MEX3D: variants seen among roughly 807,000 people sequenced by gnomAD.
The protein encoded by MEX3D is RNA-binding protein MEX3D.
A neutral mutation model predicts 6.3 loss-of-function variants in MEX3D; 4 were observed. The ratio of observed to expected loss-of-function variants is 0.64; its 90% CI spans 0.31 to 1.46. MEX3D has a LOEUF of 1.46. Ranked by LOEUF, MEX3D falls within the 40% of genes most tolerant of loss-of-function variation. The pLI is 0.07. For synonymous variants in MEX3D, 626 were observed against 494.1 expected, an observed-to-expected ratio of 1.27 and a Z score of -3.54; for missense variants, 1,038 against 994.4, an observed-to-expected ratio of 1.04 and a Z score of -0.59.
In MEX3D at chr19:1,555,730, CCAG is replaced by C. The variant is rs1445049077; in HGVS notation, c.1786_1788del (p.Leu596del). On this transcript the variant is annotated inframe_deletion, in exon 2 of 2. Coordinates refer to ENST00000402693, the MANE Select transcript of MEX3D (RefSeq NM_203304.4). ...TCGGCGCACACCACGCACTCTCGCG[CCAG>C]GGCCGGGGCCGAGGACGCCGAAGGG... 6.9e-5 allele frequency: 105 copies of C among 1,528,856 alleles called. No homozygotes were observed. The highest frequency in any genetic ancestry group is 8.4e-5 in the Non-Finnish European group (96 of 1,144,576). The allele number at this position is 1,528,856 out of a possible 1,614,324, so 94.7% of individuals were successfully genotyped here. A position where few individuals can be genotyped will look rare whatever the true frequency, so the allele number is the denominator to read the frequency against.
At chr19:1,559,580 G>GAGCCACTGCTCAC (rs1914667455) in intron 1 of MEX3D, among the ~76,000 whole-genome samples, 1 of 152,208 alleles carries the variant, frequency 6.6e-6, no homozygotes, top group African/African-American at 2.4e-5. Context: ...AAGGAGTTTT[G>GAGCCACTGCTCAC]AGCCACTGCT....
At position 1,567,610 on chromosome 19, in the gene MEX3D, A is replaced by T; in HGVS notation, c.449T>A (p.Phe150Tyr). ...CCCCAGGGCCGCGGGGTGGGGCGCG[A>T]AGCCCGCGAACACGTCGGGGGGCGA... ...RPSPPDVFAG[F>Y]APHPAALGPP... Residue 150 changes from phenylalanine to tyrosine, a missense_variant, in exon 1 of 2, where the codon TTC becomes TAC. By Grantham distance (22) the Phe-to-Tyr change is conservative (BLOSUM62 3). Transcript: ENST00000402693. This position sits in a 1 kb window ranked among gnomAD's most constrained non-coding sequence, Gnocchi z 6.5. 7.1e-7 allele frequency: 1 copy of T among 1,412,668 alleles called. No individual in the cohort carries two copies. The highest frequency in any genetic ancestry group is 9.3e-7 in the Non-Finnish European group (1 of 1,078,188). 87.5% of individuals were successfully genotyped at this position (1,412,668 alleles called of 1,614,324 possible).
intron 1 of MEX3D, among the ~76,000 whole-genome samples, chr19:1,558,495 C>A (rs568069676): frequency 6.6e-6 from 1 of 151,832 alleles, no homozygotes; most frequent in Non-Finnish European, 1.5e-5. Context: ...ACTGAAGGCG[C>A]CCCCCGCCCT....
Position 1,556,385 on chromosome 19 carries a change from G to C in MEX3D, c.1134C>G (p.Asn378Lys). The C allele has an allele frequency of 6.5e-7, 1 of 1,544,666 alleles. No homozygotes were observed. The highest frequency in any genetic ancestry group is 8.7e-7 in the Non-Finnish European group (1 of 1,153,616). ...AAASLWAKTP[N>K]QGRRPPTATA... The stretch of plus-strand genomic sequence containing the variant: ...TGGCCGTGGGGGGCCGTCGTCCCTG[G>C]TTGGGGGTCTTGGCCCAGAGGCTGG... The change falls in exon 2 of 2, where the codon AAC becomes AAG. Residue 378 changes from asparagine (N) to lysine (K), a missense_variant. Physicochemically the swap from Asn to Lys is moderately conservative, Grantham distance 94 (BLOSUM62 0). Coordinates refer to ENST00000402693, the MANE Select transcript of MEX3D (RefSeq NM_203304.4). This position sits in a 1 kb window ranked among gnomAD's most constrained non-coding sequence, Gnocchi z 7.5.
rs761977778 is a variant in MEX3D at position 1,554,704 on chromosome 19, C to G, written c.*859G>C. 2 of 152,368 alleles carry G rather than the reference C, an allele frequency of 1.3e-5. No homozygotes were observed. The highest frequency in any genetic ancestry group is 1.3e-4 in the Admixed American group (2 of 15,274). 9.4% of individuals were successfully genotyped at this position (152,368 alleles called of 1,614,324 possible). A position where few individuals can be genotyped will look rare whatever the true frequency, so the allele number is the denominator to read the frequency against. ...TAGAAAAGAGGCTTTATTAAGAAGG[C>G]TTTGAAGTCAAAAAATAAAACTCTT... On this transcript the variant is annotated 3_prime_UTR_variant, in exon 2 of 2. Transcript: ENST00000402693.
chr19:1,567,743 C>A lies in MEX3D; in HGVS notation c.316G>T (p.Gly106Ter). The change falls in exon 1 of 2, where the codon GGA becomes TGA. Residue 106 changes from glycine to a stop codon, truncating the protein, a stop_gained. Coordinates refer to ENST00000402693, the MANE Select transcript of MEX3D (RefSeq NM_203304.4). LOFTEE classifies it high-confidence loss of function. The surrounding 1 kb of genome is among the most constrained non-coding windows in gnomAD (Gnocchi z 6.5). ...GAAPEPVPPD[G>*]PEAGAPPTLA... ...GTCGGGGGCGCGCCGGCCTCAGGTC[C>A]GTCGGGGGGCACAGGCTCCGGAGCC... 2.1e-6 allele frequency: 2 copies of A among 964,918 alleles called. No individual in the cohort carries two copies. Among genetic ancestry groups the A allele is most frequent in the Non-Finnish European group, 1.2e-6 (1 of 809,584 alleles). The allele number at this position is 964,918 out of a possible 1,614,324, so 59.8% of individuals were successfully genotyped here.
chr19:1,555,381 T>TCTCCACGCCTGAGG lies in MEX3D; in HGVS notation c.*168_*181dup, dbSNP rs746534135. The TCTCCACGCCTGAGG allele has an allele frequency of 5.0e-6, 8 of 1,598,436 alleles. No homozygotes were observed. In the African/African-American group the frequency reaches 8.1e-5, roughly 16 times the overall value. ...GCGCCGCCGGGCTGCGGGGTCTCCG[T>TCTCCACGCCTGAGG]CTCCACGCCTGAGGCGGCAGTTAAA... is the stretch of plus-strand genomic sequence containing the variant. On this transcript the variant is annotated 3_prime_UTR_variant, in exon 2 of 2. Transcript: ENST00000402693.
At chr19:1,561,768 C>G (rs934798621) in intron 1 of MEX3D, among the ~76,000 whole-genome samples, 3 of 152,048 alleles carry the variant, frequency 2.0e-5, no homozygotes, top group Non-Finnish European at 4.4e-5. Flanking sequence ...CTCAGCCTCC[C>G]GAGTAGCTGG....
At chr19:1,566,692 C>T (rs1347036640) in intron 1 of MEX3D, among the ~76,000 whole-genome samples, 3 of 152,046 alleles carry the variant, frequency 2.0e-5, no homozygotes, top group Admixed American at 2.0e-4. Context: ...CCGCCCGCCC[C>T]GCAGCTCGGG....
chr19:1,554,695 T>A lies in MEX3D; in HGVS notation c.*868A>T, dbSNP rs1438935260. Reference sequence around the variant, plus strand: ...GCTCACATGTAGAAAAGAGGCTTTATTAAGAAGGCTTTGAAGTCAAAAAAT... The same window carrying A: ...GCTCACATGTAGAAAAGAGGCTTTAATAAGAAGGCTTTGAAGTCAAAAAAT... On this transcript the variant is annotated 3_prime_UTR_variant, in exon 2 of 2. Transcript: ENST00000402693. 6.6e-6 allele frequency: 1 copy of A among 152,454 alleles called. No homozygotes were observed. Among genetic ancestry groups the A allele is most frequent in the Non-Finnish European group, 1.5e-5 (1 of 68,032 alleles). 9.4% of individuals were successfully genotyped at this position (152,454 alleles called of 1,614,324 possible). A position where few individuals can be genotyped will look rare whatever the true frequency, so the allele number is the denominator to read the frequency against.
Position 1,555,793 on chromosome 19 carries a change from G to C in MEX3D, c.1726C>G (p.Leu576Val), listed in dbSNP as rs1190497677. The change falls in exon 2 of 2, where the codon CTG becomes GTG. Residue 576 changes from leucine (L) to valine (V), a missense_variant. Around this residue, in one of 5 missense-constraint regions of MEX3D, gnomAD observed 581 missense variants for 516.2 expected, o/e 1.13. Coordinates refer to ENST00000402693, the MANE Select transcript of MEX3D (RefSeq NM_203304.4). ...CTGTTCTCGGAGGCGCCGGAGTCCA[G>C]GGGGGCGCAGGCGGCGGCCGCGGGG... ...SSPAAAACAP[L>V]DSGASENSRK... 2.1e-6 allele frequency: 3 copies of C among 1,405,326 alleles called. No individual in the cohort carries two copies. Among genetic ancestry groups the C allele is most frequent in the Admixed American group, 6.7e-5 (2 of 29,756 alleles). 87.1% of individuals were successfully genotyped at this position (1,405,326 alleles called of 1,614,324 possible).
In MEX3D at chr19:1,567,242, G is replaced by A. The variant is rs1422235902; in HGVS notation, c.595+222C>T. On this transcript the variant is annotated intron_variant, in intron 1 of 1. Coordinates refer to ENST00000402693, the MANE Select transcript of MEX3D (RefSeq NM_203304.4). The surrounding 1 kb of genome is among the most constrained non-coding windows in gnomAD (Gnocchi z 6.5). Reference sequence around the variant, plus strand: ...AGGCGGCCCAGACAAAGGCGGCGGCGGGGCCGGAGCGCGCAGGGGAGGAGC... The same window carrying A: ...AGGCGGCCCAGACAAAGGCGGCGGCAGGGCCGGAGCGCGCAGGGGAGGAGC... Among the ~76,000 whole-genome samples the A allele has an allele frequency of 6.6e-6, 1 of 151,910 alleles. No individual in the cohort carries two copies. Among genetic ancestry groups the A allele is most frequent in the East Asian group, 1.9e-4 (1 of 5,182 alleles).
rs1488879550 is a variant in MEX3D, at chr19:1,567,383, G to T, written c.595+81C>A. ...GTGCGGGGCGTCCGGCGCGGGCTGG[G>T]CTGGGCTCGGGCGACCCCCTTCCCC... On this transcript the variant is annotated intron_variant, in intron 1 of 1. Coordinates refer to ENST00000402693, the MANE Select transcript of MEX3D (RefSeq NM_203304.4). The surrounding 1 kb of genome is among the most constrained non-coding windows in gnomAD (Gnocchi z 6.5). 9 of 1,410,614 alleles carry T rather than the reference G, an allele frequency of 6.4e-6. No homozygotes were observed. The highest frequency in any genetic ancestry group is 9.3e-7 in the Non-Finnish European group (1 of 1,081,066). The allele number at this position is 1,410,614 out of a possible 1,614,324, so 87.4% of individuals were successfully genotyped here.
rs1299584162 is a variant in MEX3D at position 1,568,014 on chromosome 19, G to T, written c.45C>A (p.Gly15=). Residue 15 remains glycine, a synonymous_variant, in exon 1 of 2, where the codon GGC becomes GGA. Transcript: ENST00000402693. The part of the protein sequence containing the change: ...LGQPDGGGGG[G]GGGGGVGAAG... ...CCGCCCCCACGCCGCCGCCGCCGCCGCCCCCGCCCCCGCCGCCGTCGGGCT... is the reference window on the plus strand; with the variant it reads ...CCGCCCCCACGCCGCCGCCGCCGCCTCCCCCGCCCCCGCCGCCGTCGGGCT... The T allele has an allele frequency of 1.0e-6, 1 of 975,286 alleles. No homozygotes were observed. Among genetic ancestry groups the T allele is most frequent in the Non-Finnish European group, 1.2e-6 (1 of 825,732 alleles). The allele number at this position is 975,286 out of a possible 1,614,324, so 60.4% of individuals were successfully genotyped here.
In MEX3D at chr19:1,555,234, T is replaced by A. The variant is rs1051733247; in HGVS notation, c.*329A>T. 14 of 1,270,202 alleles carry A rather than the reference T, an allele frequency of 1.1e-5. No homozygotes were observed. The highest frequency in any genetic ancestry group is 1.5e-5 in the Non-Finnish European group (14 of 951,856). The allele number at this position is 1,270,202 out of a possible 1,614,324, so 78.7% of individuals were successfully genotyped here. ...AAGTCGTGTTTTTTGTTTTGCTTTTTTAAAGATCACCCTGGAGGGGAGGGG... is the reference window on the plus strand; with the variant it reads ...AAGTCGTGTTTTTTGTTTTGCTTTTATAAAGATCACCCTGGAGGGGAGGGG... On this transcript the variant is annotated 3_prime_UTR_variant, in exon 2 of 2. Coordinates refer to ENST00000402693, the MANE Select transcript of MEX3D (RefSeq NM_203304.4).
At chr19:1,563,622 G>C (rs1204964876) in intron 1 of MEX3D, among the ~76,000 whole-genome samples, 1 of 152,182 alleles carries the variant, frequency 6.6e-6, no homozygotes, top group Non-Finnish European at 1.5e-5. Context: ...CTCAGCAGGA[G>C]CAGGGCCGGA....
In MEX3D at chr19:1,556,033, C is replaced by G; in HGVS notation, c.1486G>C (p.Gly496Arg). The change falls in exon 2 of 2, where the codon GGA (glycine) becomes CGA (arginine). Residue 496 changes from glycine (G) to arginine (R), a missense_variant. Coordinates refer to ENST00000402693, the MANE Select transcript of MEX3D (RefSeq NM_203304.4). This position sits in a 1 kb window ranked among gnomAD's most constrained non-coding sequence, Gnocchi z 7.5. Reference sequence around the variant, plus strand: ...CGCCGGGCGCCGGCGGCGGGAGGTCCCGGGGCTCCGTTGACCGTGGAGCAG... The same window carrying G: ...CGCCGGGCGCCGGCGGCGGGAGGTCGCGGGGCTCCGTTGACCGTGGAGCAG... ...SGCSTVNGAP[G>R]PPAAGARRSS... is the part of the protein sequence containing the mutation. 7.7e-7 allele frequency: 1 copy of G among 1,300,292 alleles called. No homozygotes were observed. The highest frequency in any genetic ancestry group is 3.7e-5 in the East Asian group (1 of 26,856). 80.5% of individuals were successfully genotyped at this position (1,300,292 alleles called of 1,614,324 possible).
At position 1,568,155 on chromosome 19, in the gene MEX3D, T is replaced by G. The variant is rs1484045002; in HGVS notation, c.-97A>C. 1.0e-6 allele frequency: 1 copy of G among 958,216 alleles called. No homozygotes were observed. The highest frequency in any genetic ancestry group is 6.7e-5 in the Admixed American group (1 of 14,816). The allele number at this position is 958,216 out of a possible 1,614,324, so 59.4% of individuals were successfully genotyped here. On this transcript the variant is annotated 5_prime_UTR_variant, in exon 1 of 2. Transcript: ENST00000402693. ...TCTGCGAGCTGGGCCGCCGGCCGCC[T>G]GCATCCAGCGGCGGGGGCGGGCACG...
intron 1 of MEX3D, among the ~76,000 whole-genome samples, chr19:1,562,318 A>G (rs1039631085): frequency 1.3e-5 from 2 of 148,726 alleles, no homozygotes; most frequent in African/African-American, 5.0e-5. Flanking sequence ...CGAGGTCAGG[A>G]GTTCGAGACC....
Sources: allele counts gnomAD v4.1 joint callset (sites outside exome capture counted in the v4.1 genomes callset), GRCh38; gene constraint gnomAD v4.1.1; regional missense constraint gnomAD v4.1.1; non-coding constraint Gnocchi (gnomAD v3.1); transcripts MANE v1.5; gene names NCBI Gene and HGNC (gene_info 2026-07-23, HGNC 2026-07-21).